R3HDM2: variants seen among roughly 807,000 people sequenced by gnomAD.
R3HDM2 encodes the protein R3H domain-containing protein 2.
A neutral mutation model predicts 124.5 loss-of-function variants in R3HDM2; 38 were observed. The ratio of observed to expected loss-of-function variants is 0.31; its 90% confidence interval spans 0.24 to 0.40. The LOEUF is 0.40. R3HDM2 is among the 10% of genes least tolerant of loss of function. R3HDM2 has a pLI of 1.00. For synonymous variants in R3HDM2, 391 were observed against 448.0 expected, an observed-to-expected ratio of 0.87 and a Z score of 1.61; for missense variants, 869 against 1,236.9, an observed-to-expected ratio of 0.70 and a Z score of 4.46.
Position 57,280,459 on chromosome 12 carries a change from A to G in R3HDM2, c.1243T>C (p.Cys415Arg), listed in dbSNP as rs1367266230. The G allele has an allele frequency of 1.2e-6, 2 of 1,614,002 alleles. No homozygotes were observed. Among genetic ancestry groups the G allele is most frequent in the Admixed American group, 1.7e-5 (1 of 60,004 alleles). The change falls in exon 14 of 24, where the codon TGT (cysteine) becomes CGT (arginine). Residue 415 changes from cysteine to arginine, a missense_variant. Cys to Arg is a radical substitution (Grantham distance 180). Transcript: ENST00000402412. ...TGCTGCTGTTGCTGCTGGGCAGTAC[A>G]AGGGAGAAGCCCCCGGACAGACTGG... ...SSQSVRGLLPCTAQQQQQQQQ... is the reference protein window; with the variant it reads ...SSQSVRGLLPRTAQQQQQQQQ...
intron 2 of R3HDM2, among the ~76,000 whole-genome samples, chr12:57,374,719 C>T (rs1478918483): frequency 2.3e-5 from 3 of 132,146 alleles, no homozygotes; most frequent in African/African-American, 2.9e-5. Context: ...AAAGGCCGGG[C>T]GCGGTGGCTC....
intron 2 of R3HDM2, among the ~76,000 whole-genome samples, chr12:57,395,278 C>T (rs1454108543): frequency 2.6e-5 from 4 of 151,668 alleles, no homozygotes; most frequent in Admixed American, 1.3e-4. Context: ...GCTGAGGCGG[C>T]CAGGTCACCT....
At chr12:57,404,064 A>ATTTTTTTTTTC (rs2068291544) in intron 1 of R3HDM2, among the ~76,000 whole-genome samples, 1 of 77,016 alleles carries the variant, frequency 1.3e-5, no homozygotes. Flanking sequence ...TCCACTCCTA[A>ATTTTTTTTTTC]TTTTTTTTTT....
intron 17 of R3HDM2, 52 bp from the exon 18 acceptor site, chr12:57,268,509 A>C: frequency 2.0e-4 from 310 of 1,575,966 alleles, no homozygotes; most frequent in Middle Eastern, 3.4e-4. Flanking sequence ...CATTGAGCTC[A>C]TGCAGAAACA....
intron 12 of R3HDM2, among the ~76,000 whole-genome samples, chr12:57,286,912 G>A (rs1020975937): frequency 3.3e-5 from 5 of 152,064 alleles, no homozygotes; most frequent in African/African-American, 1.2e-4. Context: ...GGAGAGGAAA[G>A]GGCTGCACCT....
At chr12:57,323,504 C>T (rs187221646) in intron 2 of R3HDM2, among the ~76,000 whole-genome samples, 29 of 152,260 alleles carry the variant, frequency 1.9e-4, no homozygotes, top group Admixed American at 7.2e-4. Context: ...TGCCAATATT[C>T]CAAATCAGGG....
chr12:57,269,958 G>A lies in R3HDM2; in HGVS notation c.1381C>T (p.Leu461Phe). The A allele has an allele frequency of 1.2e-6, 2 of 1,614,216 alleles. No homozygotes were observed. The highest frequency in any genetic ancestry group is 1.7e-6 in the Non-Finnish European group (2 of 1,180,042). ...GCTTCAGTAGAACCTTGGCGACTAA[G>A]GCTCATTTGTCCAAAGGGGTTGCTG... ...DLSNPFGQMS[L>F]SRQGSTEAAD... is the part of the protein sequence containing the mutation. Residue 461 changes from leucine (L) to phenylalanine (F), a missense_variant, in exon 15 of 24, where the codon CTT (leucine) becomes TTT (phenylalanine). Around this residue, in one of 2 missense-constraint regions of R3HDM2, gnomAD observed 602 missense variants for 789.2 expected, o/e 0.76. Coordinates refer to ENST00000402412, the MANE Select transcript of R3HDM2 (RefSeq NM_001394031.1).
At chr12:57,370,002 A>C (rs1021433719) in intron 2 of R3HDM2, among the ~76,000 whole-genome samples, 2 of 152,130 alleles carry the variant, frequency 1.3e-5, no homozygotes, top group Admixed American at 1.3e-4. Context: ...TAAATCATAG[A>C]AAGTTTCCTA....
intron 2 of R3HDM2, among the ~76,000 whole-genome samples, chr12:57,351,082 A>G (rs775228837): frequency 4.6e-5 from 7 of 152,182 alleles, no homozygotes; most frequent in Non-Finnish European, 1.0e-4. Context: ...AGCCTGGGCG[A>G]CAGAGTGAGA....
At chr12:57,325,877 T>A (rs1363871385) in intron 2 of R3HDM2, among the ~76,000 whole-genome samples, 1 of 151,882 alleles carries the variant, frequency 6.6e-6, no homozygotes, top group Non-Finnish European at 1.5e-5. Context: ...AAATTGAAGG[T>A]TTGTGGCAAC....
intron 3 of R3HDM2, chr12:57,304,383 T>A: frequency 2.2e-6 from 1 of 463,608 alleles, no homozygotes. Context: ...ACTTAGGAGT[T>A]CTGAGATGTT....
intron 1 of R3HDM2, among the ~76,000 whole-genome samples, chr12:57,400,712 A>G (rs909018700): frequency 2.6e-5 from 4 of 152,088 alleles, no homozygotes; most frequent in Admixed American, 2.6e-4. Context: ...AACAAAATAC[A>G]TATGTATATT....
chr12:57,422,670 G>A (rs2070328245), intron 1 of R3HDM2, among the ~76,000 whole-genome samples: 1 of 152,130 alleles, frequency 6.6e-6, no homozygotes, highest in Non-Finnish European at 1.5e-5. Context: ...AAACTTTCAG[G>A]AAAATGAACA....
intron 2 of R3HDM2, 147 bp from the exon 3 acceptor site, chr12:57,310,610 C>A: frequency 3.1e-5 from 11 of 354,928 alleles, no homozygotes; most frequent in Admixed American, 4.8e-5. Context: ...TCCCTGGGTT[C>A]ATTTCTTTAA....
intron 2 of R3HDM2, among the ~76,000 whole-genome samples, chr12:57,386,167 C>T (rs534608351): frequency 3.6e-4 from 55 of 152,256 alleles, no homozygotes; most frequent in African/African-American, 1.2e-3. Flanking sequence ...TCGCAGCCCT[C>T]CCTCGCTCTG....
chr12:57,356,041 T>C (rs532269958), intron 2 of R3HDM2, among the ~76,000 whole-genome samples: 7 of 152,234 alleles, frequency 4.6e-5, no homozygotes, highest in African/African-American at 1.7e-4. Context: ...TTCAATCTTA[T>C]GCCTTTTACT....
Position 57,430,765 on chromosome 12 carries a change from G to T in R3HDM2, c.-151C>A, listed in dbSNP as rs1869711638. On this transcript the variant is annotated 5_prime_UTR_variant, in exon 1 of 24. Coordinates refer to ENST00000402412, the MANE Select transcript of R3HDM2 (RefSeq NM_001394031.1). The stretch of plus-strand genomic sequence containing the variant: ...GAGGGCGCCCACGTCTCCGCCCGCC[G>T]CCCGGGCCCACGGCCGCTCGGCTGC... 1 of 176,486 alleles carries T rather than the reference G, an allele frequency of 5.7e-6. No homozygotes were observed. Among genetic ancestry groups the T allele is most frequent in the Non-Finnish European group, 1.1e-5 (1 of 92,032 alleles). 10.9% of individuals were successfully genotyped at this position (176,486 alleles called of 1,614,324 possible). A position where few individuals can be genotyped will look rare whatever the true frequency, so the allele number is the denominator to read the frequency against.
In R3HDM2 at chr12:57,355,463, AAAAAAAAAAGAAAG is replaced by A. The variant is rs1230344345; in HGVS notation, c.-36+40272_-36+40285del. Among the ~76,000 whole-genome samples the A allele has an allele frequency of 2.7e-5, 4 of 150,550 alleles. 1 individual carries two copies. The highest frequency in any genetic ancestry group is 2.1e-4 in the East Asian group (1 of 4,692). The stretch of plus-strand genomic sequence containing the variant: ...AACAGAGCGAGACTGTCTCAAAAAA[AAAAAAAAAAGAAAG>A]AAAAAAAAAAGAAAGAAACACTTTT... On this transcript the variant is annotated intron_variant, in intron 2 of 23. Transcript: ENST00000402412.
chr12:57,347,781 A>T (rs2060221221), intron 2 of R3HDM2, among the ~76,000 whole-genome samples: 1 of 152,234 alleles, frequency 6.6e-6, no homozygotes, highest in Non-Finnish European at 1.5e-5. Context: ...TTCCATCTTA[A>T]GAAACTAAAA....
Sources: allele counts gnomAD v4.1 joint callset (sites outside exome capture counted in the v4.1 genomes callset), GRCh38; gene constraint gnomAD v4.1.1; regional missense constraint gnomAD v4.1.1; transcripts MANE v1.5; gene names NCBI Gene and HGNC (gene_info 2026-07-23, HGNC 2026-07-21).